Variants in SZT2 observed in about 807,000 individuals in gnomAD.
The protein encoded by SZT2 is SZT2 subunit of KICSTOR complex.
Under a neutral mutation model 404.2 loss-of-function variants are expected in SZT2, and 216 were observed. The ratio of observed to expected loss-of-function variants is 0.53; its 90% CI spans 0.48 to 0.60. SZT2 has a LOEUF of 0.60. Ranked by LOEUF, SZT2 falls within the 20% of genes least tolerant of loss-of-function variation. The probability of loss-of-function intolerance (pLI) is 0.00; values close to 1 mark genes in which losing one functional copy is unlikely to be tolerated. For missense variants in SZT2, 3,857 were observed against 4,459.2 expected (o/e 0.86, Z 3.85); for synonymous variants, 1,693 against 1,749.9 (o/e 0.97, Z 0.81).
In SZT2 at chr1:43,450,538, G is replaced by T; in HGVS notation, c.*58G>T. 6.2e-7 allele frequency: 1 copy of T among 1,605,982 alleles called. No homozygotes were observed. Among genetic ancestry groups the T allele is most frequent in the African/African-American group, 1.3e-5 (1 of 74,928 alleles). On this transcript the variant is annotated 3_prime_UTR_variant, in exon 72 of 72. Coordinates refer to ENST00000634258, the MANE Select transcript of SZT2 (RefSeq NM_001365999.1). This position sits in a 1 kb window ranked among gnomAD's most constrained non-coding sequence, Gnocchi z 4.3. ...CCTTGAATCATGGGCCTACCAGATTGCCTGCCAGAGGCAGGACTGACCAGC... is the reference window on the plus strand; with the variant it reads ...CCTTGAATCATGGGCCTACCAGATTTCCTGCCAGAGGCAGGACTGACCAGC...
At position 43,424,336 on chromosome 1, in the gene SZT2, A is replaced by G; in HGVS notation, c.2375A>G (p.Tyr792Cys). Residue 792 changes from tyrosine to cysteine, a missense_variant, in exon 16 of 72, where the codon TAC (tyrosine) becomes TGC (cysteine). Physicochemically the swap from Tyr to Cys is radical, Grantham distance 194. Transcript: ENST00000634258. This position sits in a 1 kb window ranked among gnomAD's most constrained non-coding sequence, Gnocchi z 4.1. ...ASSSLASLSR[Y>C]LYHQRWLWSV... ...TCTAGCCTGGCGTCACTGTCCCGCT[A>G]CCTCTACCATCAGCGCTGGCTTTGG... 3 of 1,597,956 alleles carry G rather than the reference A, an allele frequency of 1.9e-6. No individual in the cohort carries two copies. The highest frequency in any genetic ancestry group is 2.5e-6 in the Non-Finnish European group (3 of 1,179,582).
Position 43,437,921 on chromosome 1 carries a change from G to A in SZT2, c.6508+19G>A. ...CAGGCAGGTAAGGTCTGAGGAGGGG[G>A]TAGGGGAGTCGCCACATGAGGTTCC... On this transcript the variant is annotated intron_variant, in intron 46 of 71. Coordinates refer to ENST00000634258, the MANE Select transcript of SZT2 (RefSeq NM_001365999.1). The surrounding 1 kb of genome is among the most constrained non-coding windows in gnomAD (Gnocchi z 5.3). The A allele has an allele frequency of 6.2e-7, 1 of 1,613,054 alleles. No homozygotes were observed. Among genetic ancestry groups the A allele is most frequent in the Non-Finnish European group, 8.5e-7 (1 of 1,179,114 alleles).
intron 1 of SZT2, among the ~76,000 whole-genome samples, chr1:43,392,574 C>T (rs1648528014): frequency 6.6e-6 from 1 of 152,162 alleles, no homozygotes; most frequent in African/African-American, 2.4e-5. Flanking sequence ...GCTACCATGC[C>T]CTGCTAACTT....
chr1:43,430,822 G>A (rs1243020588), intron 32 of SZT2, 33 bp downstream of exon 32: 3 of 1,594,718 alleles, frequency 1.9e-6, no homozygotes, highest in African/African-American at 1.3e-5. Flanking sequence ...GAAAGCCAAA[G>A]GTCCTGGAAC....
chr1:43,443,380 C>G lies in SZT2; in HGVS notation c.8528C>G (p.Ser2843Ter). The G allele has an allele frequency of 1.2e-6, 2 of 1,614,188 alleles. No homozygotes were observed. The highest frequency in any genetic ancestry group is 1.7e-6 in the Non-Finnish European group (2 of 1,180,024). Residue 2843 changes from serine (S) to a stop codon, truncating the protein, a stop_gained, in exon 61 of 72, where the codon TCA (serine) becomes TGA (stop). Coordinates refer to ENST00000634258, the MANE Select transcript of SZT2 (RefSeq NM_001365999.1). LOFTEE classifies it high-confidence loss of function. The part of the protein sequence containing the change: ...SAGELETLKQ[S>*]SRLVHYCATA... ...GGAGAGCTGGAGACCCTGAAGCAGT[C>G]ATCCCGCCTGGTGCATTACTGTGCA...
chr1:43,416,756 C>A, intron 7 of SZT2, 115 bp downstream of exon 7: 1 of 784,274 alleles, frequency 1.3e-6, no homozygotes, highest in Non-Finnish European at 2.1e-6. Flanking sequence ...TACTTAGTTA[C>A]ATGGGGGGAA....
rs1291196641 is a variant in SZT2, at chr1:43,437,453, C to T, written c.6235C>T (p.Arg2079Trp). 4.3e-6 allele frequency: 7 copies of T among 1,614,128 alleles called. No homozygotes were observed. Among genetic ancestry groups the T allele is most frequent in the East Asian group, 2.2e-5 (1 of 44,872 alleles). Residue 2079 changes from arginine (R) to tryptophan (W), a missense_variant, in exon 44 of 72, where the codon CGG becomes TGG. Physicochemically the swap from Arg to Trp is moderately radical, Grantham distance 101. This residue lies in a region of SZT2 where 261 missense variants were observed against 372.9 expected (regional missense o/e 0.70). Coordinates refer to ENST00000634258, the MANE Select transcript of SZT2 (RefSeq NM_001365999.1). The surrounding 1 kb of genome is among the most constrained non-coding windows in gnomAD (Gnocchi z 5.3). ...GCTCAATGCCTTCTCTGTGGTGAAC[C>T]GGAAAAACATGTTTGTTTACCAGGA... ...SVLNAFSVVN[R>W]KNMFVYQERA...
rs1201431275 is a variant in SZT2 at position 43,415,272 on chromosome 1, G to C, written c.630+59G>C. The C allele has an allele frequency of 1.9e-6, 3 of 1,583,104 alleles. No individual in the cohort carries two copies. The African/African-American group carries it at 4.0e-5, about 21-fold the overall frequency. On this transcript the variant is annotated intron_variant, in intron 5 of 71. Transcript: ENST00000634258. The stretch of plus-strand genomic sequence containing the variant: ...AGAAAGAGGAGCAGCTAAGGACAGA[G>C]GGCAGAGAGGAGGGATAGTCCAAAT...
At chr1:43,417,082 A>G (rs1651801540) in intron 7 of SZT2, among the ~76,000 whole-genome samples, 1 of 152,268 alleles carries the variant, frequency 6.6e-6, no homozygotes, top group Non-Finnish European at 1.5e-5. Context: ...GGCACAGGCC[A>G]GAACATGAAA....
chr1:43,429,655 G>A (rs1653615864), intron 28 of SZT2, 48 bp from the exon 29 acceptor site: 2 of 1,611,718 alleles, frequency 1.2e-6, no homozygotes, highest in South Asian at 2.2e-5. Context: ...GGCTACTTCA[G>A]AGCTTGATGG....
chr1:43,429,886 G>A (rs905660177), intron 29 of SZT2, 42 bp downstream of exon 29: 2 of 1,613,168 alleles, frequency 1.2e-6, no homozygotes, highest in African/African-American at 2.7e-5. Context: ...TTAGAGTCCT[G>A]CCTGTGCAGA....
chr1:43,426,597 C>A lies in SZT2; in HGVS notation c.3214+59C>A. 6.6e-7 allele frequency: 1 copy of A among 1,507,386 alleles called. No homozygotes were observed. The highest frequency in any genetic ancestry group is 8.9e-7 in the Non-Finnish European group (1 of 1,121,970). The allele number at this position is 1,507,386 out of a possible 1,614,324, so 93.4% of individuals were successfully genotyped here. On this transcript the variant is annotated intron_variant, in intron 22 of 71. Coordinates refer to ENST00000634258, the MANE Select transcript of SZT2 (RefSeq NM_001365999.1). This position sits in a 1 kb window ranked among gnomAD's most constrained non-coding sequence, Gnocchi z 4.9. ...TGGCCCAGCCCTTTTCCCCCACCCT[C>A]ACAGGGTGATTTCTGTCTTTGAGTT...
chr1:43,445,856 G>A, intron 62 of SZT2, 38 bp from the exon 63 acceptor site: 1 of 1,594,532 alleles, frequency 6.3e-7, no homozygotes, highest in Middle Eastern at 1.7e-4. Context: ...CATGCCACTA[G>A]CCTGCCTCAT....
Position 43,453,629 on chromosome 1 carries a change from C to A in SZT2, c.*3149C>A, listed in dbSNP as rs777700877. 3.3e-6 allele frequency: 5 copies of A among 1,494,186 alleles called. No individual in the cohort carries two copies. In the South Asian group the frequency reaches 6.4e-5, roughly 19 times the overall value. The allele number at this position is 1,494,186 out of a possible 1,614,324, so 92.6% of individuals were successfully genotyped here. A position where few individuals can be genotyped will look rare whatever the true frequency, so the allele number is the denominator to read the frequency against. ...TGTTGATCAGTACAAGCCGCAGCCCCGCTTCTCGCGCGGCGCGCGCCAGCG... is the reference window on the plus strand; with the variant it reads ...TGTTGATCAGTACAAGCCGCAGCCCAGCTTCTCGCGCGGCGCGCGCCAGCG... On this transcript the variant is annotated 3_prime_UTR_variant, in exon 72 of 72. Coordinates refer to ENST00000634258, the MANE Select transcript of SZT2 (RefSeq NM_001365999.1).
In SZT2 at chr1:43,421,162, C is replaced by A. The variant is rs754142396; in HGVS notation, c.1497-12C>A. ...AGTCAGATATGGCTCAGGCCTGGCC[C>A]TTATTCTACAGCATCAACCAGACAG... On this transcript the variant is annotated splice_polypyrimidine_tract_variant and intron_variant, in intron 10 of 71. Transcript: ENST00000634258. 6.3e-7 allele frequency: 1 copy of A among 1,598,196 alleles called. No individual in the cohort carries two copies.
rs1308670534 is a variant in SZT2 at position 43,425,510 on chromosome 1, G to C, written c.2682G>C (p.Glu894Asp). The change falls in exon 19 of 72, where the codon GAG becomes GAC. Residue 894 changes from glutamate to aspartate, a missense_variant. This residue lies in a region of SZT2 where 1,725 missense variants were observed against 1,881.0 expected (regional missense o/e 0.92). Coordinates refer to ENST00000634258, the MANE Select transcript of SZT2 (RefSeq NM_001365999.1). The surrounding 1 kb of genome is among the most constrained non-coding windows in gnomAD (Gnocchi z 4.3). ...ATGATGACAATGATGTGGAAGTGGA[G>C]GCCCTGGAGGGAGACTCAGAGCTCA... ...STDDDNDVEVEALEGDSELNL... is the reference protein window; with the variant it reads ...STDDDNDVEVDALEGDSELNL... The C allele has an allele frequency of 2.5e-6, 4 of 1,614,160 alleles. No homozygotes were observed. Among genetic ancestry groups the C allele is most frequent in the Non-Finnish European group, 3.4e-6 (4 of 1,180,030 alleles).
rs201009948 is a variant in SZT2, at chr1:43,430,106, G to A, written c.4401+3G>A. 4 of 1,614,076 alleles carry A rather than the reference G, an allele frequency of 2.5e-6. No homozygotes were observed. Among genetic ancestry groups the A allele is most frequent in the Non-Finnish European group, 8.5e-7 (1 of 1,180,000 alleles). On this transcript the variant is annotated splice_donor_region_variant and intron_variant, in intron 30 of 71. Transcript: ENST00000634258. ...GCCCTCCATCCAGCAGGCGAGAAGTGAGTGGCTCTCTTCCTTACCTCTCTC... is the reference window on the plus strand; with the variant it reads ...GCCCTCCATCCAGCAGGCGAGAAGTAAGTGGCTCTCTTCCTTACCTCTCTC...
rs114193387 is a variant in SZT2, at chr1:43,404,907, C to T, written c.498+357C>T. The T allele has an allele frequency of 8.1e-4, 144 of 178,450 alleles. 1 individual carries two copies. The highest frequency in any genetic ancestry group is 4.6e-3 in the Middle Eastern group (2 of 438). The allele number at this position is 178,450 out of a possible 1,614,324, so 11.1% of individuals were successfully genotyped here. A position where few individuals can be genotyped will look rare whatever the true frequency, so the allele number is the denominator to read the frequency against. On this transcript the variant is annotated intron_variant, in intron 4 of 71. Transcript: ENST00000634258. ...TGATGCGCTGGCTCTGGCTAGTACC[C>T]TCAGGAGATGGTCTTTTGGAATAGT...
chr1:43,424,944 T>C lies in SZT2; in HGVS notation c.2550+82T>C, dbSNP rs1352136351. 21 of 1,516,004 alleles carry C rather than the reference T, an allele frequency of 1.4e-5. No individual in the cohort carries two copies. Among genetic ancestry groups the C allele is most frequent in the African/African-American group, 1.1e-4 (8 of 73,090 alleles). 93.9% of individuals were successfully genotyped at this position (1,516,004 alleles called of 1,614,324 possible). A position where few individuals can be genotyped will look rare whatever the true frequency, so the allele number is the denominator to read the frequency against. The stretch of plus-strand genomic sequence containing the variant: ...ACTCACCTCTGAGCTGGGTTGGGAC[T>C]GCTGGAAACTGCCTCACAGGGACCC... On this transcript the variant is annotated intron_variant, in intron 17 of 71. Transcript: ENST00000634258. This position sits in a 1 kb window ranked among gnomAD's most constrained non-coding sequence, Gnocchi z 4.1.
Sources: gnomAD v4.1 joint callset for allele counts (sites outside exome capture counted in the v4.1 genomes callset) on GRCh38, gnomAD v4.1.1 for gene constraint, gnomAD v4.1.1 regional missense constraint, Gnocchi (gnomAD v3.1) non-coding constraint, MANE v1.5 for transcripts, NCBI Gene and HGNC (gene_info 2026-07-23, HGNC 2026-07-21) for gene names.